SVOP: variants seen among roughly 807,000 people sequenced by gnomAD.
SVOP encodes synaptic vesicle 2-related protein.
A neutral mutation model predicts 69.1 loss-of-function variants in SVOP; 17 were observed. The ratio of observed to expected loss-of-function variants is 0.25; its 90% CI spans 0.17 to 0.37. The LOEUF is 0.37. SVOP is among the 10% of genes least tolerant of loss of function. The probability of loss-of-function intolerance (pLI) is 1.00; values close to 1 mark genes in which losing one functional copy is unlikely to be tolerated. For synonymous variants in SVOP, 238 were observed against 238.6 expected (o/e 1.00, Z 0.02); for missense variants, 435 against 597.5 (o/e 0.73, Z 2.84).
chr12:108,959,487 G>A (rs1241902823), intron 6 of SVOP, among the ~76,000 whole-genome samples: 1 of 151,374 alleles, frequency 6.6e-6, no homozygotes, highest in Non-Finnish European at 1.5e-5. Flanking sequence ...CCAAGTATCT[G>A]GGACTACAGG....
chr12:109,018,196 A>G (rs138217830), intron 1 of SVOP, among the ~76,000 whole-genome samples: 21 of 152,338 alleles, frequency 1.4e-4, no homozygotes, highest in Non-Finnish European at 2.5e-4. Flanking sequence ...ACAGACCTAG[A>G]AAAGTCTGAT....
intron 1 of SVOP, among the ~76,000 whole-genome samples, chr12:108,984,439 C>T (rs889760946): frequency 6.6e-6 from 1 of 152,190 alleles, no homozygotes; most frequent in African/African-American, 2.4e-5. Flanking sequence ...TAGGTCTGGG[C>T]AGTGGTGGTC....
At chr12:108,979,091 A>ATATATATG (rs2040122324) in intron 2 of SVOP, among the ~76,000 whole-genome samples, 1 of 17,810 alleles carries the variant, frequency 5.6e-5, no homozygotes, top group Non-Finnish European at 1.6e-4. Flanking sequence ...ATGTGGGTGT[A>ATATATATG]CATGTATCTA....
At chr12:109,002,763 T>G (rs1479506394) in intron 1 of SVOP, among the ~76,000 whole-genome samples, 1 of 133,124 alleles carries the variant, frequency 7.5e-6, no homozygotes, top group East Asian at 2.2e-4. Flanking sequence ...AACAATGAGA[T>G]CACATGGACA....
rs372768820 is a variant in SVOP, at chr12:108,915,277, C to T, written c.1440+506G>A. Reference sequence around the variant, plus strand: ...TGCTGAAGTTTGGGGGTACAAATGACCCCATCCCCAGGTAGTGAGCCCAGT... The same window carrying T: ...TGCTGAAGTTTGGGGGTACAAATGATCCCATCCCCAGGTAGTGAGCCCAGT... On this transcript the variant is annotated intron_variant, in intron 15 of 15. Transcript: ENST00000610966. Among the ~76,000 whole-genome samples the T allele has an allele frequency of 3.9e-5, 6 of 152,064 alleles. No individual in the cohort carries two copies. The East Asian group carries it at 9.7e-4, about 25-fold the overall frequency.
chr12:108,940,884 A>T lies in SVOP; in HGVS notation c.668T>A (p.Phe223Tyr). The T allele has an allele frequency of 6.5e-7, 1 of 1,537,072 alleles. No individual in the cohort carries two copies. The highest frequency in any genetic ancestry group is 8.7e-7 in the Non-Finnish European group (1 of 1,146,770). ...IEVFWAIGTV[F>Y]EVVLAVFVMP... is the part of the protein sequence containing the mutation. Reference sequence around the variant, plus strand: ...CACGAACACAGCCAGGACGACCTCGAACACTGTCCCGATGGCCCAGAATAC... The same window carrying T: ...CACGAACACAGCCAGGACGACCTCGTACACTGTCCCGATGGCCCAGAATAC... The change falls in exon 8 of 16, where the codon TTC becomes TAC. Residue 223 changes from phenylalanine (F) to tyrosine (Y), a missense_variant. Physicochemically the swap from Phe to Tyr is conservative, Grantham distance 22 (BLOSUM62 3). Coordinates refer to ENST00000610966, the MANE Select transcript of SVOP (RefSeq NM_018711.5).
intron 7 of SVOP, among the ~76,000 whole-genome samples, chr12:108,943,856 C>T (rs926816710): frequency 7.2e-6 from 1 of 138,376 alleles, no homozygotes; most frequent in East Asian, 2.1e-4. Context: ...CTTCTCCCTT[C>T]CTCTTCTTCC....
chr12:108,961,919 A>G (rs909494552), intron 5 of SVOP, among the ~76,000 whole-genome samples: 2 of 152,130 alleles, frequency 1.3e-5, no homozygotes, highest in Non-Finnish European at 2.9e-5. Flanking sequence ...TCTAACATCT[A>G]TTGTACCAGG....
Position 108,940,826 on chromosome 12 carries a change from G to A in SVOP, c.726C>T (p.Ile242=). ...MPSLGWRWLL[I]LSAVPLLLFA... Reference sequence around the variant, plus strand: ...AGAGGAGGAGCGGGACAGCTGAGAGGATGAGCAGCCAACGCCAGCCCAGGC... The same window carrying A: ...AGAGGAGGAGCGGGACAGCTGAGAGAATGAGCAGCCAACGCCAGCCCAGGC... Residue 242 remains isoleucine (I), a synonymous_variant, in exon 8 of 16, where the codon ATC becomes ATT. Transcript: ENST00000610966. 6.5e-7 allele frequency: 1 copy of A among 1,537,230 alleles called. No individual in the cohort carries two copies. The highest frequency in any genetic ancestry group is 8.7e-7 in the Non-Finnish European group (1 of 1,146,898).
chr12:108,953,394 C>T (rs1368691709), intron 6 of SVOP, among the ~76,000 whole-genome samples: 3 of 148,768 alleles, frequency 2.0e-5, no homozygotes, highest in Non-Finnish European at 3.0e-5. Flanking sequence ...GTGATCTGCC[C>T]GCCTCAGCCT....
At chr12:109,001,307 G>A (rs1359905204) in intron 1 of SVOP, among the ~76,000 whole-genome samples, 1 of 144,476 alleles carries the variant, frequency 6.9e-6, no homozygotes, top group African/African-American at 2.6e-5. Flanking sequence ...GGAAATAAAA[G>A]AGGATACAAA....
At chr12:108,928,033 G>A (rs2039792420) in intron 11 of SVOP, among the ~76,000 whole-genome samples, 1 of 151,666 alleles carries the variant, frequency 6.6e-6, no homozygotes, top group South Asian at 2.1e-4. Context: ...GGCCTCCCGA[G>A]TAGCTGGGAT....
intron 1 of SVOP, among the ~76,000 whole-genome samples, chr12:109,011,455 A>G (rs1256370589): frequency 6.6e-6 from 1 of 152,176 alleles, no homozygotes; most frequent in Admixed American, 6.5e-5. Flanking sequence ...TTCCTTGTCT[A>G]GGGATCCTCC....
At chr12:108,952,213 A>C (rs931819221) in intron 6 of SVOP, among the ~76,000 whole-genome samples, 13 of 142,888 alleles carry the variant, frequency 9.1e-5, no homozygotes, top group Admixed American at 5.7e-4. Context: ...CCTACATTCC[A>C]CTTTTTTTTC....
At chr12:108,956,623 C>T (rs1355246975) in intron 6 of SVOP, among the ~76,000 whole-genome samples, 1 of 152,190 alleles carries the variant, frequency 6.6e-6, no homozygotes, top group Non-Finnish European at 1.5e-5. Flanking sequence ...ACCGAATCGG[C>T]ACCTATTCTG....
At chr12:109,020,802 G>A (rs565430029) in intron 1 of SVOP, 32 bp downstream of exon 1, 7 of 677,122 alleles carry the variant, frequency 1.0e-5, no homozygotes, top group Middle Eastern at 2.5e-4. Context: ...AAGAAAGCCT[G>A]TCTGCCTCTT....
intron 1 of SVOP, among the ~76,000 whole-genome samples, chr12:108,998,775 A>G (rs1252733696): frequency 5.4e-5 from 8 of 149,358 alleles, no homozygotes; most frequent in African/African-American, 1.7e-4. Flanking sequence ...AGATTTTGTC[A>G]CCACCAGGCC....
intron 11 of SVOP, among the ~76,000 whole-genome samples, chr12:108,927,538 T>C (rs546946084): frequency 6.6e-6 from 1 of 152,250 alleles, no homozygotes. Flanking sequence ...TATTTGTCTT[T>C]TGTAATTAGA....
chr12:108,946,908 C>CG (rs949034238), intron 6 of SVOP, among the ~76,000 whole-genome samples: 1 of 151,632 alleles, frequency 6.6e-6, no homozygotes, highest in African/African-American at 2.4e-5. Context: ...TTGGTAGAGA[C>CG]GGGGTTTCAC....
Sources: gnomAD v4.1 joint callset for allele counts (sites outside exome capture counted in the v4.1 genomes callset) on GRCh38, gnomAD v4.1.1 for gene constraint, MANE v1.5 for transcripts, NCBI Gene and HGNC (gene_info 2026-07-23, HGNC 2026-07-21) for gene names.